The following FRY variants were observed in gnomAD, a reference collection of about 807,000 sequenced individuals.
FRY encodes FRY microtubule binding protein, also known as protein furry homolog.
In FRY, 128 loss-of-function variants were observed where a neutral mutation model predicts 348.4. The observed-to-expected ratio is 0.37, with a 90% CI of 0.32 to 0.43. The LOEUF (loss-of-function observed/expected upper bound fraction) is 0.43, where lower values mean the gene tolerates loss of function less well. Among genes scored for constraint, FRY ranks in the 20% least tolerant of loss-of-function variants. The pLI is 1.00. For synonymous variants in FRY, 1,370 were observed against 1,374.7 expected (o/e 1.00, Z 0.08); for missense variants, 2,736 against 3,695.2 (o/e 0.74, Z 6.73).
chr13:32,153,410 T>G (rs1351297885), intron 14 of FRY, among the ~76,000 whole-genome samples: 1 of 152,202 alleles, frequency 6.6e-6, no homozygotes, highest in Non-Finnish European at 1.5e-5. Flanking sequence ...TCAAAAGCAT[T>G]GTGCTCAGTG....
chr13:32,173,646 T>G, intron 19 of FRY, 97 bp downstream of exon 19: 1 of 909,654 alleles, frequency 1.1e-6, no homozygotes, highest in Non-Finnish European at 1.8e-6. Context: ...TTTCAGGTAC[T>G]TTTATGTTAC....
chr13:32,116,432 A>T (rs78534835), intron 3 of FRY, among the ~76,000 whole-genome samples: 5,257 of 152,228 alleles, frequency 0.035, 94 homozygotes, highest in African/African-American at 0.049. Context: ...CCTTATCACG[A>T]TCTTAACTGA....
At chr13:32,165,419 T>G (rs2138193236) in intron 17 of FRY, among the ~76,000 whole-genome samples, 1 of 152,338 alleles carries the variant, frequency 6.6e-6, no homozygotes, top group East Asian at 1.9e-4. Context: ...GTATTTTAAT[T>G]GAGATATAGT....
At chr13:32,240,269 C>G (rs1377140665) in intron 46 of FRY, among the ~76,000 whole-genome samples, 2 of 152,148 alleles carry the variant, frequency 1.3e-5, no homozygotes, top group African/African-American at 4.8e-5. Context: ...GCAGAGTCAG[C>G]CTTTAAACCT....
chr13:32,208,263 C>T (rs932045701), intron 31 of FRY, among the ~76,000 whole-genome samples: 4 of 152,360 alleles, frequency 2.6e-5, no homozygotes, highest in African/African-American at 7.2e-5. Context: ...TCATGGAAGA[C>T]ACTTTGTAAG....
intron 53 of FRY, among the ~76,000 whole-genome samples, chr13:32,263,873 G>T (rs917204358): frequency 2.6e-5 from 4 of 152,152 alleles, no homozygotes; most frequent in African/African-American, 9.7e-5. Context: ...ACCGGTCATG[G>T]TGGCGGTGCC....
intron 2 of FRY, among the ~76,000 whole-genome samples, chr13:32,096,447 C>T (rs1185328886): frequency 6.7e-6 from 1 of 150,320 alleles, no homozygotes; most frequent in African/African-American, 2.5e-5. Flanking sequence ...CGGGGGGGGG[C>T]TTCATCTGGG....
intron 55 of FRY, among the ~76,000 whole-genome samples, chr13:32,271,657 A>G (rs189352687): frequency 7.7e-4 from 117 of 152,320 alleles, no homozygotes; most frequent in African/African-American, 2.8e-3. Flanking sequence ...AAAGAGAACA[A>G]AGTGGCTATA....
chr13:32,097,431 G>T, intron 2 of FRY, among the ~76,000 whole-genome samples: 1 of 129,520 alleles, frequency 7.7e-6, no homozygotes, highest in East Asian at 2.3e-4. Context: ...GCATGATCTT[G>T]GCTCACTGCA....
chr13:32,053,680 C>G (rs542511787), intron 1 of FRY, among the ~76,000 whole-genome samples: 1 of 152,204 alleles, frequency 6.6e-6, no homozygotes, highest in Non-Finnish European at 1.5e-5. Flanking sequence ...TAAGAGTCTT[C>G]CCTGAAGGAG....
intron 28 of FRY, among the ~76,000 whole-genome samples, chr13:32,193,886 C>A (rs561920420): frequency 6.6e-6 from 1 of 152,302 alleles, no homozygotes; most frequent in East Asian, 1.9e-4. Context: ...CCACGCCCAG[C>A]CACTCCTTTC....
At chr13:32,203,475 C>T (rs1194541564) in intron 31 of FRY, among the ~76,000 whole-genome samples, 1 of 152,094 alleles carries the variant, frequency 6.6e-6, no homozygotes, top group African/African-American at 2.4e-5. Context: ...CCCGTAATCC[C>T]AACACTGGAG....
intron 48 of FRY, among the ~76,000 whole-genome samples, chr13:32,248,904 T>A (rs944863608): frequency 1.3e-5 from 2 of 152,172 alleles, no homozygotes; most frequent in African/African-American, 4.8e-5. Context: ...GAGCCAGGTG[T>A]AAAATTGACA....
chr13:32,110,490 A>G (rs139331290), intron 3 of FRY, among the ~76,000 whole-genome samples: 298 of 152,232 alleles, frequency 2.0e-3, no homozygotes, highest in Middle Eastern at 0.014. Context: ...AAAGTGAAAA[A>G]GCAACACTCC....
chr13:32,237,979 C>T lies in FRY; in HGVS notation c.6411C>T (p.His2137=), dbSNP rs559252996. Residue 2137 remains histidine, a synonymous_variant, in exon 44 of 61, where the codon CAC becomes CAT. Transcript: ENST00000542859. This position sits in a 1 kb window ranked among gnomAD's most constrained non-coding sequence, Gnocchi z 6.3. ...VSKISMVDAS[H]AIGFPLNVLC... is the part of the protein sequence containing the mutation. ...AAATATCCATGGTGGATGCATCCCA[C>T]GCTATTGGTAAAGCCAGCCTCGTTC... The T allele has an allele frequency of 1.8e-5, 29 of 1,613,700 alleles. No individual in the cohort carries two copies. Among genetic ancestry groups the T allele is most frequent in the South Asian group, 6.6e-5 (6 of 91,084 alleles).
chr13:32,065,314 A>T lies in FRY; in HGVS notation c.71-13520A>T, dbSNP rs566463202. Among the ~76,000 whole-genome samples, 100 of 151,598 alleles carry T rather than the reference A, an allele frequency of 6.6e-4. 1 individual carries two copies. In the East Asian group the frequency reaches 8.7e-3, roughly 13 times the overall value. On this transcript the variant is annotated intron_variant, in intron 1 of 60. Coordinates refer to ENST00000542859, the MANE Select transcript of FRY (RefSeq NM_023037.3). Reference sequence around the variant, plus strand: ...ATTCTTTCACTCTAATTAAAAAAAAATTTTTTTTTGAGACAGAGTTTTACT... The same window carrying T: ...ATTCTTTCACTCTAATTAAAAAAAATTTTTTTTTTGAGACAGAGTTTTACT...
intron 1 of FRY, among the ~76,000 whole-genome samples, chr13:32,034,486 A>G (rs747803119): frequency 5.9e-5 from 9 of 152,152 alleles, no homozygotes; most frequent in Non-Finnish European, 1.0e-4. Flanking sequence ...AATGGCCTTG[A>G]TGTCTGGAAA....
chr13:32,061,687 A>C (rs1440783017), intron 1 of FRY, among the ~76,000 whole-genome samples: 2 of 152,168 alleles, frequency 1.3e-5, no homozygotes, highest in Non-Finnish European at 1.5e-5. Context: ...AAAAGATAAA[A>C]TATTTTTCCT....
In FRY at chr13:32,265,487, A is replaced by G; in HGVS notation, c.7817A>G (p.His2606Arg). Residue 2606 changes from histidine (H) to arginine (R), a missense_variant, in exon 54 of 61, where the codon CAT (histidine) becomes CGT (arginine). Physicochemically the swap from His to Arg is conservative, Grantham distance 29 (BLOSUM62 0). Transcript: ENST00000542859. The stretch of plus-strand genomic sequence containing the variant: ...CGTGAGGAGGAGGACACCACCGTGC[A>G]TGAGGATGATCTTTCTAGTTCCATC... ...AVREEEDTTV[H>R]EDDLSSSINE... 1 of 1,614,196 alleles carries G rather than the reference A, an allele frequency of 6.2e-7. No individual in the cohort carries two copies. Among genetic ancestry groups the G allele is most frequent in the Non-Finnish European group, 8.5e-7 (1 of 1,180,022 alleles).
Sources: gnomAD v4.1 joint callset for allele counts (sites outside exome capture counted in the v4.1 genomes callset) on GRCh38, gnomAD v4.1.1 for gene constraint, Gnocchi (gnomAD v3.1) non-coding constraint, MANE v1.5 for transcripts, NCBI Gene and HGNC (gene_info 2026-07-23, HGNC 2026-07-21) for gene names.